Variants in POU6F2 observed in about 807,000 individuals in gnomAD.
The protein encoded by POU6F2 is POU class 6 homeobox 2, also known as POU domain, class 6, transcription factor 2.
A neutral mutation model predicts 71.3 loss-of-function variants in POU6F2; 31 were observed. The ratio of observed to expected loss-of-function variants is 0.43; its 90% CI spans 0.33 to 0.59. POU6F2 has a LOEUF of 0.59. Among genes scored for constraint, POU6F2 ranks in the 20% least tolerant of loss-of-function variants. POU6F2 has a pLI of 0.04. For synonymous variants in POU6F2, 347 were observed against 355.7 expected, an observed-to-expected ratio of 0.98 and a Z score of 0.27; for missense variants, 783 against 856.8, an observed-to-expected ratio of 0.91 and a Z score of 1.07.
chr7:39,194,448 G>C (rs1271228468), intron 2 of POU6F2, among the ~76,000 whole-genome samples: 1 of 152,200 alleles, frequency 6.6e-6, no homozygotes, highest in Non-Finnish European at 1.5e-5. Flanking sequence ...CTAGCTAAAG[G>C]ATTGTAAATG....
At chr7:39,338,715 A>G (rs962264784) in intron 4 of POU6F2, among the ~76,000 whole-genome samples, 6 of 152,238 alleles carry the variant, frequency 3.9e-5, no homozygotes, top group Admixed American at 6.5e-5. Context: ...AAGAAAGTGA[A>G]CTTGGTTTTT....
intron 2 of POU6F2, among the ~76,000 whole-genome samples, chr7:39,148,654 C>T (rs1238413114): frequency 6.6e-6 from 1 of 151,508 alleles, no homozygotes; most frequent in East Asian, 1.9e-4. Flanking sequence ...ATGGATATTG[C>T]TAAATGAGCT....
chr7:39,049,191 G>A (rs1347836692), intron 1 of POU6F2, among the ~76,000 whole-genome samples: 1 of 151,266 alleles, frequency 6.6e-6, no homozygotes. Flanking sequence ...CTATTTCCTT[G>A]ATGTTCATGT....
chr7:39,305,109 T>TA (rs779559919), intron 4 of POU6F2, among the ~76,000 whole-genome samples: 15 of 152,372 alleles, frequency 9.8e-5, no homozygotes, highest in Non-Finnish European at 1.9e-4. Flanking sequence ...ATATGTAACT[T>TA]ACAGGCTAAA....
intron 2 of POU6F2, among the ~76,000 whole-genome samples, chr7:39,097,295 G>C (rs111691817): frequency 0.027 from 4,104 of 152,050 alleles, 76 homozygotes; most frequent in Middle Eastern, 0.065. Context: ...TTTTGGTAGG[G>C]GCATGTTTAT....
chr7:39,217,832 T>G (rs1225996578), intron 4 of POU6F2, among the ~76,000 whole-genome samples: 1 of 152,202 alleles, frequency 6.6e-6, no homozygotes, highest in East Asian at 1.9e-4. Context: ...TACATTATCC[T>G]TGAAGCGGGT....
intron 1 of POU6F2, among the ~76,000 whole-genome samples, chr7:39,010,388 A>G (rs1323445748): frequency 6.7e-6 from 1 of 148,744 alleles, no homozygotes; most frequent in Admixed American, 6.7e-5. Context: ...ATCATTTTTT[A>G]TTGCATCTAT....
At chr7:39,297,196 T>TACACACACACACACACACACACACAC (rs61192418) in intron 4 of POU6F2, among the ~76,000 whole-genome samples, 2 of 139,006 alleles carry the variant, frequency 1.4e-5, no homozygotes, top group African/African-American at 2.7e-5. Flanking sequence ...CACATACACA[T>TACACACACACACACACACACACACAC]ACACACACAC....
intron 4 of POU6F2, among the ~76,000 whole-genome samples, chr7:39,322,563 C>T (rs1156689043): frequency 1.3e-5 from 2 of 152,200 alleles, no homozygotes; most frequent in African/African-American, 4.8e-5. Context: ...CAGGGCTCTC[C>T]AAGCTTGTCA....
At chr7:39,073,221 C>A (rs1486061963) in intron 1 of POU6F2, among the ~76,000 whole-genome samples, 3 of 152,072 alleles carry the variant, frequency 2.0e-5, no homozygotes, top group African/African-American at 7.2e-5. Context: ...TTAATAAAGG[C>A]TGGCCTGGTT....
At chr7:39,147,097 G>C (rs888395423) in intron 2 of POU6F2, among the ~76,000 whole-genome samples, 1 of 152,090 alleles carries the variant, frequency 6.6e-6, no homozygotes, top group Non-Finnish European at 1.5e-5. Context: ...TATTATCTGA[G>C]TGGTGGGACT....
At position 39,426,568 on chromosome 7, in the gene POU6F2, C is replaced by A. The variant is rs1787977721; in HGVS notation, c.1114-6509C>A. Among the ~76,000 whole-genome samples the A allele has an allele frequency of 2.6e-5, 4 of 151,970 alleles. No individual in the cohort carries two copies. In the South Asian group the frequency reaches 6.2e-4, roughly 24 times the overall value. On this transcript the variant is annotated intron_variant, in intron 6 of 9. Transcript: ENST00000518318. ...TTCTCACTCTCTTTGTGTCTCCCTC[C>A]CTCCTCTTCCTCCCTCTTCTTCTTC...
intron 5 of POU6F2, among the ~76,000 whole-genome samples, chr7:39,345,574 T>C (rs1786017410): frequency 6.6e-6 from 1 of 152,202 alleles, no homozygotes; most frequent in Non-Finnish European, 1.5e-5. Context: ...AAATAACTCT[T>C]TTGGCTGACA....
intron 2 of POU6F2, among the ~76,000 whole-genome samples, chr7:39,185,759 AAATT>A (rs1279456411): frequency 1.3e-5 from 2 of 151,774 alleles, no homozygotes; most frequent in African/African-American, 4.8e-5. Flanking sequence ...GGGAATTAGT[AAATT>A]AATTAAGTAA....
intron 4 of POU6F2, among the ~76,000 whole-genome samples, chr7:39,238,273 C>A (rs1794710279): frequency 6.6e-6 from 1 of 152,064 alleles, no homozygotes; most frequent in African/African-American, 2.4e-5. Context: ...AGACAATGAA[C>A]ATATAAGGAC....
chr7:39,223,708 T>C (rs139280737), intron 4 of POU6F2, among the ~76,000 whole-genome samples: 50 of 152,330 alleles, frequency 3.3e-4, no homozygotes, highest in Middle Eastern at 6.8e-3. Context: ...TGCCAGAGTA[T>C]TGCCTTATTT....
Position 39,123,097 on chromosome 7 carries a change from G to A in POU6F2, c.277+37066G>A, listed in dbSNP as rs192827194. On this transcript the variant is annotated intron_variant, in intron 2 of 9. Coordinates refer to ENST00000518318, the MANE Select transcript of POU6F2 (RefSeq NM_001370959.1). Reference sequence around the variant, plus strand: ...TCATATATAAATACTGAACCTAAACGGTGTTAGTTATTGAGCAGACTAGAG... The same window carrying A: ...TCATATATAAATACTGAACCTAAACAGTGTTAGTTATTGAGCAGACTAGAG... 7.0e-4 allele frequency among the ~76,000 whole-genome samples: 107 copies of A among 152,262 alleles called. 1 individual carries two copies. Among genetic ancestry groups the A allele is most frequent in the African/African-American group, 2.3e-3 (96 of 41,558 alleles).
chr7:39,048,836 C>CATCT (rs1790346416), intron 1 of POU6F2, among the ~76,000 whole-genome samples: 1 of 151,938 alleles, frequency 6.6e-6, no homozygotes, highest in African/African-American at 2.4e-5. Flanking sequence ...AACTTCCCAG[C>CATCT]ATCTATTTTT....
chr7:39,216,185 A>T (rs76975523), intron 4 of POU6F2, among the ~76,000 whole-genome samples: 1 of 152,196 alleles, frequency 6.6e-6, no homozygotes, highest in Non-Finnish European at 1.5e-5. Context: ...TGGAAACTAT[A>T]TGACAAGGCG....
Sources: gnomAD v4.1 joint callset for allele counts (sites outside exome capture counted in the v4.1 genomes callset) on GRCh38, gnomAD v4.1.1 for gene constraint, MANE v1.5 for transcripts, NCBI Gene and HGNC (gene_info 2026-07-23, HGNC 2026-07-21) for gene names.